Variants in SMPDL3B observed in about 807,000 individuals in gnomAD.
The protein encoded by SMPDL3B is acid sphingomyelinase-like phosphodiesterase 3b.
In SMPDL3B, 31 loss-of-function variants were observed where a neutral mutation model predicts 37.9. The observed-to-expected ratio is 0.82, with a 90% CI of 0.61 to 1.10. SMPDL3B has a LOEUF of 1.10. Among genes scored for constraint, SMPDL3B ranks in the 50% least tolerant of loss-of-function variants. The pLI, the probability that SMPDL3B is intolerant of heterozygous loss-of-function variation, is 0.00. For missense variants in SMPDL3B, 525 were observed against 597.8 expected (o/e 0.88, Z 1.27); for synonymous variants, 235 against 242.6 (o/e 0.97, Z 0.29).
chr1:27,936,901 G>T (rs771950590), intron 1 of SMPDL3B, among the ~76,000 whole-genome samples: 9 of 152,014 alleles, frequency 5.9e-5, no homozygotes, highest in Non-Finnish European at 1.2e-4. Context: ...AGCACCTGTC[G>T]TCCCAGCTAC....
At chr1:27,957,840 A>G (rs1463721449) in intron 7 of SMPDL3B, among the ~76,000 whole-genome samples, 1 of 152,158 alleles carries the variant, frequency 6.6e-6, no homozygotes, top group Non-Finnish European at 1.5e-5. Flanking sequence ...CACTTGCTTC[A>G]TCTGTAAAAT....
In SMPDL3B at chr1:27,945,413, T is replaced by C; in HGVS notation, c.243T>C (p.Ile81=). The C allele has an allele frequency of 1.2e-6, 2 of 1,614,156 alleles. No homozygotes were observed. Among genetic ancestry groups the C allele is most frequent in the South Asian group, 2.2e-5 (2 of 91,078 alleles). The change falls in exon 2 of 8, where the codon ATT becomes ATC. Residue 81 remains isoleucine (I), a synonymous_variant. Transcript: ENST00000373894. The surrounding 1 kb of genome is among the most constrained non-coding windows in gnomAD (Gnocchi z 4.0). ...CCTCCATCTATGCCATGAAGGAGAT[T>C]GAGCCAGAGCCAGACTTCATTCTCT... ...INSSIYAMKE[I]EPEPDFILWT... is the part of the protein sequence containing the mutation.
chr1:27,954,680 C>T (rs1264331994), intron 5 of SMPDL3B, among the ~76,000 whole-genome samples, 154 bp downstream of exon 5: 1 of 152,210 alleles, frequency 6.6e-6, no homozygotes, highest in East Asian at 1.9e-4. Flanking sequence ...CCATCCTCAC[C>T]ACAGCCCTGT....
chr1:27,948,837 G>C (rs2090431561), intron 2 of SMPDL3B, among the ~76,000 whole-genome samples: 1 of 152,210 alleles, frequency 6.6e-6, no homozygotes, highest in Admixed American at 6.5e-5. Flanking sequence ...AGTTAATAGA[G>C]GCTCAGAGAG....
At chr1:27,950,672 C>G (rs1387907521) in intron 3 of SMPDL3B, among the ~76,000 whole-genome samples, 2 of 152,110 alleles carry the variant, frequency 1.3e-5, no homozygotes. Flanking sequence ...CTCCGTCGCC[C>G]AAGCTAAAGT....
At chr1:27,956,498 T>G in intron 7 of SMPDL3B, 2 of 1,121,358 alleles carry the variant, frequency 1.8e-6, no homozygotes, top group Admixed American at 4.5e-5. Context: ...CTTCCCACAG[T>G]CTGACTTCAA....
At chr1:27,956,511 C>T (rs961456617) in intron 7 of SMPDL3B, 2 of 1,100,036 alleles carry the variant, frequency 1.8e-6, no homozygotes, top group Non-Finnish European at 2.2e-6. Context: ...GACTTCAAGC[C>T]CATTGTCCAC....
At chr1:27,943,882 C>T (rs1023014024) in intron 1 of SMPDL3B, among the ~76,000 whole-genome samples, 8 of 151,644 alleles carry the variant, frequency 5.3e-5, no homozygotes, top group East Asian at 1.9e-4. Context: ...GGCGTGGTGG[C>T]GCATGACTGT....
intron 1 of SMPDL3B, among the ~76,000 whole-genome samples, chr1:27,935,731 G>A (rs1394852334): frequency 1.3e-5 from 2 of 152,204 alleles, no homozygotes; most frequent in African/African-American, 4.8e-5. Flanking sequence ...GTAGAACAGG[G>A]AAGGCGGGTT....
At chr1:27,956,152 T>C (rs761077488) in intron 7 of SMPDL3B, 70 bp downstream of exon 7, 2 of 1,613,530 alleles carry the variant, frequency 1.2e-6, no homozygotes, top group East Asian at 2.2e-5. Flanking sequence ...CTTCCCTCAC[T>C]CTCAGCTTAT....
intron 7 of SMPDL3B, chr1:27,956,414 C>G: frequency 7.9e-7 from 1 of 1,270,004 alleles, no homozygotes; most frequent in Non-Finnish European, 1.0e-6. Flanking sequence ...TTGTCTCCGT[C>G]CTGCTCAAAA....
At position 27,945,827 on chromosome 1, in the gene SMPDL3B, A is replaced by G. The variant is rs2090402315; in HGVS notation, c.275+382A>G. Among the ~76,000 whole-genome samples, 1 of 152,112 alleles carries G rather than the reference A, an allele frequency of 6.6e-6. No individual in the cohort carries two copies. Among genetic ancestry groups the G allele is most frequent in the South Asian group, 2.1e-4 (1 of 4,820 alleles). Reference sequence around the variant, plus strand: ...TCCAAGTGCAGGGAGGGAAGAAGTTATGAGGGCTGAAGGTGGCCCAGCCTG... The same window carrying G: ...TCCAAGTGCAGGGAGGGAAGAAGTTGTGAGGGCTGAAGGTGGCCCAGCCTG... On this transcript the variant is annotated intron_variant, in intron 2 of 7. Coordinates refer to ENST00000373894, the MANE Select transcript of SMPDL3B (RefSeq NM_014474.4). The surrounding 1 kb of genome is among the most constrained non-coding windows in gnomAD (Gnocchi z 4.0).
intron 1 of SMPDL3B, among the ~76,000 whole-genome samples, chr1:27,936,290 A>T (rs2090307499): frequency 6.6e-6 from 1 of 151,900 alleles, no homozygotes; most frequent in African/African-American, 2.4e-5. Flanking sequence ...TGACTCTACT[A>T]AAAATACCAA....
At position 27,954,413 on chromosome 1, in the gene SMPDL3B, A is replaced by C; in HGVS notation, c.577A>C (p.Asn193His). The C allele has an allele frequency of 6.2e-7, 1 of 1,614,102 alleles. No homozygotes were observed. The highest frequency in any genetic ancestry group is 8.5e-7 in the Non-Finnish European group (1 of 1,180,030). The part of the protein sequence containing the change: ...PSGAGRIVVL[N>H]TNLYYTSNAL... Reference sequence around the variant, plus strand: ...CGGGGCTGGGCGAATTGTGGTCCTCAACACCAATCTGTACTATACCAGCAA... The same window carrying C: ...CGGGGCTGGGCGAATTGTGGTCCTCCACACCAATCTGTACTATACCAGCAA... Residue 193 changes from asparagine to histidine, a missense_variant, in exon 5 of 8, where the codon AAC becomes CAC. Asn to His is a moderately conservative substitution (Grantham distance 68). Transcript: ENST00000373894.
At chr1:27,956,623 TA>T in intron 7 of SMPDL3B, 1 of 400,418 alleles carries the variant, frequency 2.5e-6, no homozygotes, top group Non-Finnish European at 3.4e-6. Context: ...ATTATTCCTT[TA>T]TTTATCCAAC....
chr1:27,953,186 T>C lies in SMPDL3B; in HGVS notation c.374-29T>C, dbSNP rs987306210. The C allele has an allele frequency of 3.8e-6, 6 of 1,593,940 alleles. No homozygotes were observed. The South Asian group carries it at 4.5e-5, about 12-fold the overall frequency. ...ACTCCCCCGAGTGCTTTTGCATATA[T>C]ATTTTGATATTTCACCCTTTCTTCC... On this transcript the variant is annotated intron_variant, in intron 3 of 7. Transcript: ENST00000373894.
In SMPDL3B at chr1:27,954,997, G is replaced by A. The variant is rs576988663; in HGVS notation, c.690+471G>A. Among the ~76,000 whole-genome samples the A allele has an allele frequency of 2.0e-5, 3 of 152,338 alleles. No homozygotes were observed. In the South Asian group the frequency reaches 6.2e-4, roughly 32 times the overall value. Reference sequence around the variant, plus strand: ...CCATCCCAAGAGGATCTCACAGCTGGTGCCCATGAGCATGCACTATGCCAA... The same window carrying A: ...CCATCCCAAGAGGATCTCACAGCTGATGCCCATGAGCATGCACTATGCCAA... On this transcript the variant is annotated intron_variant, in intron 5 of 7. Transcript: ENST00000373894.
At chr1:27,939,712 T>C (rs2090341285) in intron 1 of SMPDL3B, among the ~76,000 whole-genome samples, 1 of 152,196 alleles carries the variant, frequency 6.6e-6, no homozygotes, top group Non-Finnish European at 1.5e-5. Context: ...TCCCAGCTAC[T>C]TGGGGGACTA....
At chr1:27,956,272 A>G in intron 7 of SMPDL3B, 190 bp downstream of exon 7, 1 of 1,522,100 alleles carries the variant, frequency 6.6e-7, no homozygotes, top group South Asian at 1.3e-5. Flanking sequence ...GCAGTGCCTC[A>G]CCAAGTCACC....
Sources: allele counts gnomAD v4.1 joint callset (sites outside exome capture counted in the v4.1 genomes callset), GRCh38; gene constraint gnomAD v4.1.1; non-coding constraint Gnocchi (gnomAD v3.1); transcripts MANE v1.5; gene names NCBI Gene and HGNC (gene_info 2026-07-23, HGNC 2026-07-21).